TTLL1: variants seen among roughly 807,000 people sequenced by gnomAD.
TTLL1 encodes polyglutamylase complex subunit TTLL1.
Under a neutral mutation model 47.8 loss-of-function variants are expected in TTLL1, and 33 were observed. That is an observed-to-expected ratio of 0.69 (90% CI 0.52 to 0.92). The LOEUF is 0.92. Among genes scored for constraint, TTLL1 ranks in the 40% least tolerant of loss-of-function variants. TTLL1 has a pLI of 0.00. For missense variants in TTLL1, 488 were observed against 547.5 expected (o/e 0.89, Z 1.08); for synonymous variants, 225 against 214.1 (o/e 1.05, Z -0.45).
At chr22:43,047,978 A>T (rs920021595) in intron 9 of TTLL1, among the ~76,000 whole-genome samples, 1 of 152,166 alleles carries the variant, frequency 6.6e-6, no homozygotes, top group Non-Finnish European at 1.5e-5. Context: ...CCACTGTAGT[A>T]TACCATAATA....
At chr22:43,046,042 G>A (rs1926103037) in intron 10 of TTLL1, among the ~76,000 whole-genome samples, 1 of 152,060 alleles carries the variant, frequency 6.6e-6, no homozygotes, top group Admixed American at 6.6e-5. Context: ...CCAACGTGGT[G>A]AAACCCTGTC....
chr22:43,073,352 T>A (rs1289028364), intron 3 of TTLL1, among the ~76,000 whole-genome samples: 1 of 145,282 alleles, frequency 6.9e-6, no homozygotes, highest in African/African-American at 2.7e-5. Flanking sequence ...TATTTATTTA[T>A]TTATTTATTT....
intron 5 of TTLL1, among the ~76,000 whole-genome samples, chr22:43,068,121 C>A (rs570569516): frequency 3.9e-4 from 56 of 144,328 alleles, no homozygotes; most frequent in Non-Finnish European, 3.0e-5. Flanking sequence ...GCCGCAAAAC[C>A]CCATCTCTAT....
At chr22:43,040,696 C>T (rs904573194) in intron 10 of TTLL1, among the ~76,000 whole-genome samples, 5 of 152,184 alleles carry the variant, frequency 3.3e-5, no homozygotes, top group East Asian at 1.9e-4. Flanking sequence ...TCTGCCCATT[C>T]GGCCTCCCAA....
intron 1 of TTLL1, among the ~76,000 whole-genome samples, chr22:43,083,780 C>T (rs1165983488): frequency 6.6e-6 from 1 of 152,060 alleles, no homozygotes; most frequent in Non-Finnish European, 1.5e-5. Flanking sequence ...AGGGAATGAG[C>T]ATATCAAACT....
At chr22:43,078,265 G>A (rs1412375108) in intron 2 of TTLL1, among the ~76,000 whole-genome samples, 1 of 151,952 alleles carries the variant, frequency 6.6e-6, no homozygotes, top group Admixed American at 6.6e-5. Context: ...GGAGGCTGAG[G>A]TGGGCGGATC....
rs1346262631 is a variant in TTLL1, at chr22:43,082,095, ATCC to A, written c.-89-2112_-89-2110del. Among the ~76,000 whole-genome samples, 288 of 151,028 alleles carry A rather than the reference ATCC, an allele frequency of 1.9e-3. 1 individual carries two copies. The highest frequency in any genetic ancestry group is 6.8e-3 in the African/African-American group (279 of 41,064). On this transcript the variant is annotated intron_variant, in intron 1 of 10. Coordinates refer to ENST00000266254, the MANE Select transcript of TTLL1 (RefSeq NM_012263.5). ...TCAAACTCCTGACCTCAAGTGATCC[ATCC>A]CCTTCTGCCTCCCAAAGTGCTGGGA...
chr22:43,066,232 C>T (rs1314742973), intron 5 of TTLL1, among the ~76,000 whole-genome samples: 2 of 151,840 alleles, frequency 1.3e-5, no homozygotes, highest in South Asian at 2.1e-4. Context: ...AGGTGCATCT[C>T]GTCAGCTGGC....
Position 43,039,762 on chromosome 22 carries a change from G to A in TTLL1, c.*14C>T, listed in dbSNP as rs1925509719. On this transcript the variant is annotated 3_prime_UTR_variant, in exon 11 of 11. Coordinates refer to ENST00000266254, the MANE Select transcript of TTLL1 (RefSeq NM_012263.5). ...CAGGTGGAGTGAGTAGTTTTGATAA[G>A]GTCCAGGTGGGACTCACTTCCAGGT... 6.3e-7 allele frequency: 1 copy of A among 1,588,666 alleles called. No individual in the cohort carries two copies. The highest frequency in any genetic ancestry group is 8.6e-7 in the Non-Finnish European group (1 of 1,164,728).
At chr22:43,062,434 T>C (rs1601678712) in intron 7 of TTLL1, among the ~76,000 whole-genome samples, 1 of 143,916 alleles carries the variant, frequency 6.9e-6, no homozygotes, top group East Asian at 2.1e-4. Context: ...GAGGTTGCAG[T>C]GAGCTGAGAT....
At chr22:43,051,435 G>A (rs555971725) in intron 9 of TTLL1, among the ~76,000 whole-genome samples, 1 of 152,272 alleles carries the variant, frequency 6.6e-6, no homozygotes, top group South Asian at 2.1e-4. Context: ...CAAGGGTACC[G>A]AGGTTGTGAG....
At chr22:43,047,202 C>T (rs1926211538) in intron 9 of TTLL1, among the ~76,000 whole-genome samples, 1 of 152,168 alleles carries the variant, frequency 6.6e-6, no homozygotes, top group Non-Finnish European at 1.5e-5. Flanking sequence ...CCAAGAGCCC[C>T]ACAAGGGTTT....
At chr22:43,043,952 C>T (rs1305426494) in intron 10 of TTLL1, among the ~76,000 whole-genome samples, 2 of 152,056 alleles carry the variant, frequency 1.3e-5, no homozygotes, top group Non-Finnish European at 2.9e-5. Context: ...TGACCCTGTC[C>T]TCTACTCCAT....
intron 1 of TTLL1, among the ~76,000 whole-genome samples, chr22:43,088,324 CTTTTTTTTTTTTTTTTT>C (rs1167618669): frequency 7.1e-5 from 4 of 56,468 alleles, no homozygotes; most frequent in Admixed American, 4.6e-4. Flanking sequence ...AAGGGCCCAT[CTTTTTTTTTTTTTTTTT>C]TTTTTTTTTT....
Position 43,069,838 on chromosome 22 carries a change from A to G in TTLL1, c.120T>C (p.Ser40=). 1 of 1,614,082 alleles carries G rather than the reference A, an allele frequency of 6.2e-7. No individual in the cohort carries two copies. Among genetic ancestry groups the G allele is most frequent in the Non-Finnish European group, 8.5e-7 (1 of 1,180,012 alleles). ...TGAACACATTTCGGATGGTTTGCAC[A>G]CTCATCCTGAAAGAGATGAGCAGGA... is the stretch of plus-strand genomic sequence containing the variant. The part of the protein sequence containing the change: ...ENEDWNFYWM[S]VQTIRNVFSV... Residue 40 remains serine, a synonymous_variant, in exon 4 of 11, where the codon AGT becomes AGC. Transcript: ENST00000266254.
chr22:43,042,925 TCTG>T (rs1407830941), intron 10 of TTLL1, among the ~76,000 whole-genome samples: 2 of 150,750 alleles, frequency 1.3e-5, no homozygotes, highest in African/African-American at 4.9e-5. Context: ...GGCTCTGGCC[TCTG>T]CTGCTTTTTC....
At chr22:43,081,943 G>T (rs1796282880) in intron 1 of TTLL1, among the ~76,000 whole-genome samples, 1 of 60,824 alleles carries the variant, frequency 1.6e-5, no homozygotes, top group African/African-American at 5.7e-5. Context: ...TCCGCCTCCT[G>T]GGATCAAGCG....
intron 5 of TTLL1, among the ~76,000 whole-genome samples, chr22:43,067,742 G>A (rs1927832224): frequency 6.6e-6 from 1 of 151,972 alleles, no homozygotes; most frequent in South Asian, 2.1e-4. Flanking sequence ...AGGCCGAGGT[G>A]GGTGGATCAC....
rs368210898 is a variant in TTLL1 at position 43,064,951 on chromosome 22, G to A, written c.504-627C>T. On this transcript the variant is annotated intron_variant, in intron 5 of 10. Transcript: ENST00000266254. ...ACCTGAGGTCAGGAGTTCGAGACCA[G>A]CCTGGCCAACATGGTGAAACCCTGT... is the stretch of plus-strand genomic sequence containing the variant. Among the ~76,000 whole-genome samples the A allele has an allele frequency of 4.9e-4, 74 of 152,100 alleles. 1 individual carries two copies. The East Asian group carries it at 0.013, about 27-fold the overall frequency.
Sources: allele counts gnomAD v4.1 joint callset (sites outside exome capture counted in the v4.1 genomes callset), GRCh38; gene constraint gnomAD v4.1.1; transcripts MANE v1.5; gene names NCBI Gene and HGNC (gene_info 2026-07-23, HGNC 2026-07-21).